CSRP2: variants seen among roughly 807,000 people sequenced by gnomAD.
The protein encoded by CSRP2 is cysteine and glycine rich protein 2.
Under a neutral mutation model 24.6 loss-of-function variants are expected in CSRP2, and 18 were observed. The observed-to-expected ratio is 0.73, with a 90% CI of 0.51 to 1.09. The LOEUF (loss-of-function observed/expected upper bound fraction) is 1.09, where lower values mean the gene tolerates loss of function less well. Among genes scored for constraint, CSRP2 ranks in the 50% least tolerant of loss-of-function variants. CSRP2 has a pLI of 0.00. For synonymous variants in CSRP2, 87 were observed against 84.3 expected (o/e 1.03, Z -0.18); for missense variants, 215 against 239.4 (o/e 0.90, Z 0.67).
chr12:76,868,337 T>A, intron 1 of CSRP2, among the ~76,000 whole-genome samples: 1 of 152,120 alleles, frequency 6.6e-6, no homozygotes, highest in East Asian at 1.9e-4. Context: ...TCCCATGTGT[T>A]GTGGGACGGA....
In CSRP2 at chr12:76,863,347, G is replaced by T. The variant is rs372942582; in HGVS notation, c.113-3C>A. ...ATCTAAATTTTTCCTGCAAACCACT[G>T]CAGGGGAAAAAGTTAGACTTTACAC... is the stretch of plus-strand genomic sequence containing the variant. On this transcript the variant is annotated splice_region_variant and splice_polypyrimidine_tract_variant and intron_variant, in intron 2 of 5. Coordinates refer to ENST00000311083, the MANE Select transcript of CSRP2 (RefSeq NM_001321.3). The T allele has an allele frequency of 1.2e-6, 2 of 1,613,526 alleles. No individual in the cohort carries two copies. The highest frequency in any genetic ancestry group is 1.7e-5 in the Admixed American group (1 of 59,976).
chr12:76,860,526 G>A, intron 3 of CSRP2, 113 bp from the exon 4 acceptor site: 1 of 1,309,872 alleles, frequency 7.6e-7, no homozygotes, highest in South Asian at 1.5e-5. Flanking sequence ...CCTCAAAGCT[G>A]GAAGCCTTTG....
At chr12:76,869,529 A>AACACACAC (rs57542492) in intron 1 of CSRP2, among the ~76,000 whole-genome samples, 5,907 of 135,308 alleles carry the variant, frequency 0.044, 160 homozygotes, top group Non-Finnish European at 0.049. Flanking sequence ...TAAAACAAAC[A>AACACACAC]ACACACACAC....
chr12:76,860,407 C>G lies in CSRP2; in HGVS notation c.288G>C (p.Gln96His). 6.2e-7 allele frequency: 1 copy of G among 1,606,372 alleles called. No homozygotes were observed. The highest frequency in any genetic ancestry group is 8.5e-7 in the Non-Finnish European group (1 of 1,177,660). Residue 96 changes from glutamine (Q) to histidine (H), a missense_variant, in exon 4 of 6, where the codon CAG (glutamine) becomes CAC (histidine). Gln to His is a conservative substitution (Grantham distance 24). Coordinates refer to ENST00000311083, the MANE Select transcript of CSRP2 (RefSeq NM_001321.3). The stretch of plus-strand genomic sequence containing the variant: ...TTGGATTTGTTGTAGGCCTGTGAGG[C>G]TGAACACTTGTGAAAAGAGGAAAAA... ...ERLGIKPESV[Q>H]PHRPTTNPNT...
At chr12:76,863,130 C>G in intron 3 of CSRP2, 46 bp downstream of exon 3, 3 of 1,567,786 alleles carry the variant, frequency 1.9e-6, no homozygotes, top group Non-Finnish European at 2.6e-6. Context: ...GCGGCACTAA[C>G]TGTCGCAACT....
chr12:76,862,731 TAA>T, intron 3 of CSRP2: 2 of 1,313,772 alleles, frequency 1.5e-6, no homozygotes, highest in Non-Finnish European at 1.9e-6. Flanking sequence ...TAAAAAATTT[TAA>T]GTTAGAGAAA....
At position 76,860,377 on chromosome 12, in the gene CSRP2, A is replaced by C; in HGVS notation, c.318T>G (p.Thr106=). The change falls in exon 4 of 6, where the codon ACT becomes ACG. Residue 106 remains threonine, a synonymous_variant. Coordinates refer to ENST00000311083, the MANE Select transcript of CSRP2 (RefSeq NM_001321.3). ...CTCCATATTTCTGAGCAAATTTAGA[A>C]GTGTTTGGATTTGTTGTAGGCCTGT... ...QPHRPTTNPN[T]SKFAQKYGGA... 6.2e-7 allele frequency: 1 copy of C among 1,614,108 alleles called. No individual in the cohort carries two copies. The highest frequency in any genetic ancestry group is 1.7e-5 in the Admixed American group (1 of 60,024).
At chr12:76,862,565 G>T (rs956734720) in intron 3 of CSRP2, 3 of 375,818 alleles carry the variant, frequency 8.0e-6, no homozygotes, top group African/African-American at 2.1e-5. Context: ...AAAGTGTGTG[G>T]GGGGAATTCT....
chr12:76,862,591 T>G, intron 3 of CSRP2: 1 of 508,266 alleles, frequency 2.0e-6, no homozygotes, highest in East Asian at 4.0e-5. Context: ...AATAAGTTAT[T>G]TAACCTGAAT....
intron 2 of CSRP2, 72 bp from the exon 3 acceptor site, chr12:76,863,416 A>T: frequency 1.4e-6 from 2 of 1,469,720 alleles, no homozygotes; most frequent in Non-Finnish European, 1.9e-6. Context: ...GGTGGCACAG[A>T]CACATGGCCT....
At chr12:76,870,500 T>C (rs920153100) in intron 1 of CSRP2, among the ~76,000 whole-genome samples, 6 of 152,228 alleles carry the variant, frequency 3.9e-5, no homozygotes, top group African/African-American at 1.4e-4. Flanking sequence ...TACTGTGCAA[T>C]AAGTTTCTGG....
chr12:76,870,975 C>CAAAAAA (rs398020213), intron 1 of CSRP2, among the ~76,000 whole-genome samples: 4 of 57,172 alleles, frequency 7.0e-5, no homozygotes, highest in Non-Finnish European at 8.7e-5. Context: ...GACCCTGTCT[C>CAAAAAA]AAAAAAAAAA....
intron 1 of CSRP2, among the ~76,000 whole-genome samples, chr12:76,868,338 G>A (rs929767145): frequency 2.0e-5 from 3 of 152,162 alleles, no homozygotes; most frequent in African/African-American, 7.2e-5. Flanking sequence ...CCCATGTGTT[G>A]TGGGACGGAC....
At chr12:76,865,250 C>T (rs1187387634) in intron 2 of CSRP2, among the ~76,000 whole-genome samples, 1 of 152,146 alleles carries the variant, frequency 6.6e-6, no homozygotes, top group Non-Finnish European at 1.5e-5. Context: ...CATTCTGTTT[C>T]CATACTTTCT....
intron 1 of CSRP2, among the ~76,000 whole-genome samples, chr12:76,868,959 A>C (rs61930523): frequency 1.1e-4 from 16 of 151,976 alleles, no homozygotes; most frequent in Admixed American, 1.0e-3. Flanking sequence ...AAAAAAAGAA[A>C]AGCACTGGTT....
intron 1 of CSRP2, among the ~76,000 whole-genome samples, chr12:76,875,183 C>T (rs1953841554): frequency 6.6e-6 from 1 of 152,154 alleles, no homozygotes; most frequent in Non-Finnish European, 1.5e-5. Flanking sequence ...AACTAGCGGT[C>T]AGTAAGTGGT....
At chr12:76,864,175 C>A (rs571391906) in intron 2 of CSRP2, 1 of 152,174 alleles carries the variant, frequency 6.6e-6, no homozygotes, top group Non-Finnish European at 1.5e-5. Flanking sequence ...ATTTCATTTT[C>A]TAAAACTTCA....
Position 76,878,999 on chromosome 12 carries a change from G to A in CSRP2, c.-63C>T, listed in dbSNP as rs1345374133. The A allele has an allele frequency of 1.3e-5, 2 of 152,046 alleles. No homozygotes were observed. The highest frequency in any genetic ancestry group is 3.9e-4 in the East Asian group (2 of 5,156). The allele number at this position is 152,046 out of a possible 1,614,324, so 9.4% of individuals were successfully genotyped here. Reference sequence around the variant, plus strand: ...CTAGCGAGGCTGGGCTGGAGGGAGGGTCCAGGGAGTCCGAGATCCCAGGCG... The same window carrying A: ...CTAGCGAGGCTGGGCTGGAGGGAGGATCCAGGGAGTCCGAGATCCCAGGCG... On this transcript the variant is annotated 5_prime_UTR_variant, in exon 1 of 6. Coordinates refer to ENST00000311083, the MANE Select transcript of CSRP2 (RefSeq NM_001321.3).
chr12:76,859,131 T>A, intron 5 of CSRP2, 103 bp from the exon 6 acceptor site: 1 of 867,788 alleles, frequency 1.2e-6, no homozygotes. Flanking sequence ...AACTGCTGTG[T>A]AAAAGAGCTC....
Sources: gnomAD v4.1 joint callset for allele counts (sites outside exome capture counted in the v4.1 genomes callset) on GRCh38, gnomAD v4.1.1 for gene constraint, MANE v1.5 for transcripts, NCBI Gene and HGNC (gene_info 2026-07-23, HGNC 2026-07-21) for gene names.